Variants in SOX5 observed in about 807,000 individuals in gnomAD.
SOX5 encodes SRY-box transcription factor 5, also known as transcription factor SOX-5.
SOX5 carries 9 observed loss-of-function variants against 92.0 expected under a neutral mutation model. The observed-to-expected ratio is 0.10, with a 90% confidence interval of 0.06 to 0.17. The LOEUF (loss-of-function observed/expected upper bound fraction) is 0.17, where lower values mean the gene tolerates loss of function less well. Among genes scored for constraint, SOX5 ranks in the 10% least tolerant of loss-of-function variants. The pLI is 1.00. For missense variants in SOX5, 642 were observed against 944.5 expected, an observed-to-expected ratio of 0.68 and a Z score of 4.20; for synonymous variants, 344 against 336.3, an observed-to-expected ratio of 1.02 and a Z score of -0.25.
chr12:24,198,994 G>A (rs1957269522), intron 4 of SOX5, among the ~76,000 whole-genome samples: 2 of 152,304 alleles, frequency 1.3e-5, no homozygotes, highest in East Asian at 1.9e-4. Flanking sequence ...GGAGAAAAGA[G>A]TACAGACGTG....
chr12:23,746,413 G>T (rs888392670), intron 4 of SOX5, among the ~76,000 whole-genome samples: 1 of 152,138 alleles, frequency 6.6e-6, no homozygotes, highest in African/African-American at 2.4e-5. Flanking sequence ...ACACAGTCAT[G>T]TATATATGAA....
rs553914777 is a variant in SOX5, at chr12:24,254,497, G to GA, written c.-77+22718dup. Among the ~76,000 whole-genome samples, 52 of 151,140 alleles carry GA rather than the reference G, an allele frequency of 3.4e-4. 1 individual carries two copies. In the South Asian group the frequency reaches 7.1e-3, roughly 21 times the overall value. On this transcript the variant is annotated intron_variant, in intron 3 of 4. Transcript: ENST00000446891. ...AACACCTATATTAGCCTACAGTAGGGAAAAAAAATCATCTAATACAAAGTC... is the reference window on the plus strand; with the variant it reads ...AACACCTATATTAGCCTACAGTAGGGAAAAAAAAATCATCTAATACAAAGTC...
intron 2 of SOX5, among the ~76,000 whole-genome samples, chr12:23,852,854 A>G (rs1040215689): frequency 6.6e-6 from 1 of 152,082 alleles, no homozygotes; most frequent in African/African-American, 2.4e-5. Context: ...GGTGGAGCCC[A>G]ACCAAATCTG....
intron 3 of SOX5, among the ~76,000 whole-genome samples, chr12:23,781,845 G>A (rs950036313): frequency 6.6e-6 from 1 of 151,988 alleles, no homozygotes; most frequent in African/African-American, 2.4e-5. Context: ...TAAATTAAAG[G>A]CCAAATACAG....
chr12:23,896,091 G>T, intron 1 of SOX5, 67 bp from the exon 2 acceptor site: 1 of 1,101,936 alleles, frequency 9.1e-7, no homozygotes, highest in Non-Finnish European at 1.4e-6. Flanking sequence ...GTCATTGTGT[G>T]GTTAGGGGCC....
At chr12:24,252,378 G>C (rs538617498) in intron 3 of SOX5, among the ~76,000 whole-genome samples, 7 of 152,036 alleles carry the variant, frequency 4.6e-5, no homozygotes, top group East Asian at 1.9e-4. Context: ...TTTTTACATA[G>C]AGAATGTGTT....
chr12:23,533,321 CTT>C lies in SOX5; in HGVS notation c.*896_*897del, dbSNP rs1491555255. Reference sequence around the variant, plus strand: ...TTCTTATGTCTCTCTCTCTCTCTCTCTTTTCACCTGAGAACAGCACCTACAGT... The same window carrying C: ...TTCTTATGTCTCTCTCTCTCTCTCTCTTCACCTGAGAACAGCACCTACAGT... On this transcript the variant is annotated 3_prime_UTR_variant, in exon 15 of 15. Transcript: ENST00000451604. 5 of 346,436 alleles carry C rather than the reference CTT, an allele frequency of 1.4e-5. No individual in the cohort carries two copies. The highest frequency in any genetic ancestry group is 6.4e-5 in the African/African-American group (3 of 46,874). 21.5% of individuals were successfully genotyped at this position (346,436 alleles called of 1,614,324 possible).
At chr12:24,309,724 A>G (rs1397125230) in intron 2 of SOX5, among the ~76,000 whole-genome samples, 1 of 152,176 alleles carries the variant, frequency 6.6e-6, no homozygotes, top group East Asian at 1.9e-4. Flanking sequence ...GAAAAGTAAA[A>G]ACAAAAATCC....
intron 3 of SOX5, among the ~76,000 whole-genome samples, chr12:24,231,742 C>A (rs911981931): frequency 1.3e-5 from 2 of 152,166 alleles, no homozygotes; most frequent in African/African-American, 4.8e-5. Context: ...TTCCTTCCAC[C>A]TAAAAACTAA....
intron 1 of SOX5, among the ~76,000 whole-genome samples, chr12:24,401,017 A>T (rs1961403297): frequency 6.6e-6 from 1 of 152,146 alleles, no homozygotes; most frequent in South Asian, 2.1e-4. Context: ...CTCCCAATTA[A>T]GAAAAATGTC....
At chr12:23,698,017 A>T (rs533581160) in intron 6 of SOX5, among the ~76,000 whole-genome samples, 7 of 152,128 alleles carry the variant, frequency 4.6e-5, no homozygotes, top group African/African-American at 1.7e-4. Context: ...TTGACTTCTT[A>T]GGTATTTATT....
intron 2 of SOX5, among the ~76,000 whole-genome samples, chr12:24,362,005 T>G (rs772528308): frequency 1.7e-4 from 26 of 152,190 alleles, no homozygotes; most frequent in Admixed American, 4.6e-4. Context: ...AAATAACTGT[T>G]TTATAAGAGA....
intron 2 of SOX5, among the ~76,000 whole-genome samples, chr12:24,315,573 A>T (rs1265382670): frequency 6.6e-6 from 1 of 152,146 alleles, no homozygotes; most frequent in Non-Finnish European, 1.5e-5. Context: ...AAATTAATAC[A>T]TGTGTAATTA....
chr12:24,046,015 C>T (rs942968835), intron 4 of SOX5, among the ~76,000 whole-genome samples: 7 of 152,168 alleles, frequency 4.6e-5, no homozygotes, highest in African/African-American at 7.2e-5. Context: ...GCGCGGTTTG[C>T]CCCCTCTGTC....
chr12:23,667,305 C>T (rs2083975131), intron 6 of SOX5, among the ~76,000 whole-genome samples: 1 of 151,982 alleles, frequency 6.6e-6, no homozygotes, highest in East Asian at 1.9e-4. Context: ...ATAATTTATA[C>T]TTTAATCGTT....
chr12:24,244,508 T>G (rs1938217158), intron 3 of SOX5, among the ~76,000 whole-genome samples: 1 of 152,158 alleles, frequency 6.6e-6, no homozygotes, highest in Admixed American at 6.5e-5. Flanking sequence ...GGTGAATGGT[T>G]AAACACTTGG....
At chr12:23,623,087 T>C (rs1304795693) in intron 8 of SOX5, among the ~76,000 whole-genome samples, 1 of 152,154 alleles carries the variant, frequency 6.6e-6, no homozygotes, top group Non-Finnish European at 1.5e-5. Flanking sequence ...TGTTTGTGTG[T>C]GTGCAGGAGA....
intron 4 of SOX5, among the ~76,000 whole-genome samples, chr12:24,022,030 G>A (rs759253405): frequency 3.3e-5 from 5 of 152,048 alleles, no homozygotes; most frequent in South Asian, 4.2e-4. Context: ...ACTATGTGTC[G>A]GGCACTATGC....
intron 1 of SOX5, among the ~76,000 whole-genome samples, chr12:24,446,273 G>C (rs186886557): frequency 2.0e-5 from 3 of 151,766 alleles, no homozygotes; most frequent in Admixed American, 2.0e-4. Context: ...ATATGACAGG[G>C]AGAGACTGAG....
Sources: gnomAD v4.1 joint callset for allele counts (sites outside exome capture counted in the v4.1 genomes callset) on GRCh38, gnomAD v4.1.1 for gene constraint, MANE v1.5 for transcripts, NCBI Gene and HGNC (gene_info 2026-07-23, HGNC 2026-07-21) for gene names.